Variants in MCTP2 observed in about 807,000 individuals in gnomAD.
The protein encoded by MCTP2 is multiple C2 and transmembrane domain-containing protein 2.
MCTP2 carries 132 observed loss-of-function variants against 111.6 expected under a neutral mutation model. The ratio of observed to expected loss-of-function variants is 1.18; its 90% CI spans 1.03 to 1.37. The LOEUF is 1.37. MCTP2 is among the 40% of genes most tolerant of loss of function. The pLI is 0.00. For missense variants in MCTP2, 1,183 were observed against 1,067.9 expected (o/e 1.11, Z -1.50); for synonymous variants, 395 against 387.7 (o/e 1.02, Z -0.22).
chr15:94,238,023 G>C (rs965434331), intron 1 of MCTP2, among the ~76,000 whole-genome samples: 9 of 151,528 alleles, frequency 5.9e-5, no homozygotes, highest in African/African-American at 2.2e-4. Context: ...TGTATTTCTT[G>C]AACGTATTTC....
At chr15:94,249,488 CTTTT>C (rs58538119) in intron 1 of MCTP2, among the ~76,000 whole-genome samples, 1 of 142,780 alleles carries the variant, frequency 7.0e-6, no homozygotes, top group Admixed American at 7.1e-5. Context: ...GTCTCAGAAT[CTTTT>C]TTTTTTTTTT....
intron 14 of MCTP2, among the ~76,000 whole-genome samples, chr15:94,389,572 T>G (rs1452488082): frequency 6.6e-6 from 1 of 152,192 alleles, no homozygotes; most frequent in Non-Finnish European, 1.5e-5. Flanking sequence ...ATTGTGTGCT[T>G]CTTTAGGAGA....
At position 94,231,562 on chromosome 15, in the gene MCTP2, G is replaced by C. The variant is rs2070172965; in HGVS notation, c.-168G>C. ...TGATGCCCCCGCCCCCGCCGCGTCA[G>C]GGTTGCTCCCTGCGCTTCCGAGTGG... is the stretch of plus-strand genomic sequence containing the variant. On this transcript the variant is annotated 5_prime_UTR_variant, in exon 1 of 23. Transcript: ENST00000357742. 6.6e-6 allele frequency: 1 copy of C among 152,370 alleles called. No homozygotes were observed. The highest frequency in any genetic ancestry group is 1.5e-5 in the Non-Finnish European group (1 of 68,164). 9.4% of individuals were successfully genotyped at this position (152,370 alleles called of 1,614,324 possible).
At chr15:94,235,970 A>G (rs370122379) in intron 1 of MCTP2, among the ~76,000 whole-genome samples, 4 of 152,376 alleles carry the variant, frequency 2.6e-5, no homozygotes, top group African/African-American at 9.6e-5. Context: ...AAATTTCCAA[A>G]CTAGGAAGGA....
Position 94,482,603 on chromosome 15 carries a change from G to A in MCTP2, c.*3569G>A, listed in dbSNP as rs556033119. The A allele has an allele frequency of 1.3e-5, 2 of 152,292 alleles. No homozygotes were observed. Among genetic ancestry groups the A allele is most frequent in the South Asian group, 2.1e-4 (1 of 4,824 alleles). 9.4% of individuals were successfully genotyped at this position (152,292 alleles called of 1,614,324 possible). A position where few individuals can be genotyped will look rare whatever the true frequency, so the allele number is the denominator to read the frequency against. On this transcript the variant is annotated 3_prime_UTR_variant, in exon 23 of 23. Coordinates refer to ENST00000357742, the MANE Select transcript of MCTP2 (RefSeq NM_001385001.1). Reference sequence around the variant, plus strand: ...GCATCCAAATAGGAATGTCAGCAAGGTAATGGAATATATAGTTCTCAGAGA... The same window carrying A: ...GCATCCAAATAGGAATGTCAGCAAGATAATGGAATATATAGTTCTCAGAGA...
At chr15:94,467,857 T>C (rs2073527568) in intron 20 of MCTP2, among the ~76,000 whole-genome samples, 1 of 152,106 alleles carries the variant, frequency 6.6e-6, no homozygotes, top group Admixed American at 6.5e-5. Context: ...ATAGAGAAGT[T>C]GGGAATGGAC....
Position 94,458,196 on chromosome 15 carries a change from T to A in MCTP2, c.2310T>A (p.Thr770=). 6.2e-7 allele frequency: 1 copy of A among 1,612,740 alleles called. No homozygotes were observed. The highest frequency in any genetic ancestry group is 8.5e-7 in the Non-Finnish European group (1 of 1,178,706). ...RIYMVQDIVS[T]VQNVLEEIAS... is the part of the protein sequence containing the mutation. The stretch of plus-strand genomic sequence containing the variant: ...ATATGGTACAGGATATTGTTTCAAC[T>A]GTTCAAAACGTCTTGGAGGAAATAG... Residue 770 remains threonine (T), a synonymous_variant, in exon 20 of 23, where the codon ACT becomes ACA. Transcript: ENST00000357742.
At chr15:94,422,927 C>T (rs1269497932) in intron 17 of MCTP2, among the ~76,000 whole-genome samples, 6 of 152,148 alleles carry the variant, frequency 3.9e-5, no homozygotes, top group Non-Finnish European at 8.8e-5. Flanking sequence ...AACTCCAGGG[C>T]TCAAGGGATC....
In MCTP2 at chr15:94,479,726, G is replaced by C. The variant is rs578107796; in HGVS notation, c.*692G>C. 1 of 152,066 alleles carries C rather than the reference G, an allele frequency of 6.6e-6. No individual in the cohort carries two copies. The highest frequency in any genetic ancestry group is 2.4e-5 in the African/African-American group (1 of 41,402). The allele number at this position is 152,066 out of a possible 1,614,324, so 9.4% of individuals were successfully genotyped here. A position where few individuals can be genotyped will look rare whatever the true frequency, so the allele number is the denominator to read the frequency against. On this transcript the variant is annotated 3_prime_UTR_variant, in exon 23 of 23. Transcript: ENST00000357742. ...CCTAGAGATCACTCACTTGAAAAAT[G>C]AGGGTCCCATGAAAGTATTTGGTTG...
At chr15:94,442,774 AAG>A (rs368225065) in intron 18 of MCTP2, 143 bp from the exon 19 acceptor site, 30 of 659,462 alleles carry the variant, frequency 4.5e-5, no homozygotes, top group African/African-American at 3.8e-4. Flanking sequence ...TGAACTTTAA[AAG>A]AGTTATTGTT....
rs1485340862 is a variant in MCTP2, at chr15:94,240,903, G to A, written c.-66+9239G>A. On this transcript the variant is annotated intron_variant, in intron 1 of 22. Transcript: ENST00000357742. ...ACCTTTTAAATATATACAGATGTTG[G>A]CATTTCAAAACCCAGGAAAATTCTT... Among the ~76,000 whole-genome samples the A allele has an allele frequency of 2.6e-5, 4 of 152,104 alleles. No homozygotes were observed. In the South Asian group the frequency reaches 8.3e-4, roughly 32 times the overall value.
At chr15:94,266,330 T>C (rs2073528589) in intron 1 of MCTP2, among the ~76,000 whole-genome samples, 2 of 152,190 alleles carry the variant, frequency 1.3e-5, no homozygotes, top group Non-Finnish European at 2.9e-5. Flanking sequence ...TTTGACTCGT[T>C]TGTATTTTTA....
At chr15:94,267,653 T>G (rs1263967378) in intron 1 of MCTP2, among the ~76,000 whole-genome samples, 3 of 152,094 alleles carry the variant, frequency 2.0e-5, no homozygotes, top group African/African-American at 7.2e-5. Context: ...TAAGAAACTT[T>G]CAAGCTGTTT....
At chr15:94,401,489 A>G (rs1315901362) in intron 16 of MCTP2, among the ~76,000 whole-genome samples, 2 of 152,154 alleles carry the variant, frequency 1.3e-5, no homozygotes, top group African/African-American at 4.8e-5. Flanking sequence ...AAACTAAACA[A>G]CATAGACACT....
At chr15:94,354,836 A>G (rs965439666) in intron 8 of MCTP2, among the ~76,000 whole-genome samples, 5 of 152,160 alleles carry the variant, frequency 3.3e-5, no homozygotes, top group Non-Finnish European at 5.9e-5. Flanking sequence ...ATTTGTTGTG[A>G]TAAATTGTGA....
Position 94,367,771 on chromosome 15 carries a change from A to C in MCTP2, c.1468A>C (p.Lys490Gln). The C allele has an allele frequency of 6.2e-7, 1 of 1,603,128 alleles. No homozygotes were observed. The highest frequency in any genetic ancestry group is 2.3e-5 in the East Asian group (1 of 43,618). Residue 490 changes from lysine (K) to glutamine (Q), a missense_variant, in exon 11 of 23, where the codon AAG (lysine) becomes CAG (glutamine). Transcript: ENST00000357742. The stretch of plus-strand genomic sequence containing the variant: ...CCCCTTAGCAGACCTCAGCGAAAGA[A>C]AGCAGATTACCCAGCGATATGTGAG... ...VCPLADLSERKQITQRYCLQN... is the reference protein window; with the variant it reads ...VCPLADLSERQQITQRYCLQN...
chr15:94,394,049 C>CAAAAAAAAAAA (rs767685107), intron 14 of MCTP2, among the ~76,000 whole-genome samples: 2 of 61,772 alleles, frequency 3.2e-5, no homozygotes, highest in Non-Finnish European at 6.4e-5. Flanking sequence ...AACTCCATCT[C>CAAAAAAAAAAA]AAAAAAAAAA....
At chr15:94,463,849 T>A (rs2085360536) in intron 20 of MCTP2, among the ~76,000 whole-genome samples, 1 of 152,172 alleles carries the variant, frequency 6.6e-6, no homozygotes, top group South Asian at 2.1e-4. Flanking sequence ...ATTTTTATGC[T>A]TTATTTTGGT....
chr15:94,357,571 T>G (rs34245909), intron 9 of MCTP2, among the ~76,000 whole-genome samples: 28,865 of 151,858 alleles, frequency 0.19, 2,990 homozygotes, highest in East Asian at 0.31. Flanking sequence ...TTTTGTTTTT[T>G]TCCCAACCTG....
Sources: allele counts gnomAD v4.1 joint callset (sites outside exome capture counted in the v4.1 genomes callset), GRCh38; gene constraint gnomAD v4.1.1; transcripts MANE v1.5; gene names NCBI Gene and HGNC (gene_info 2026-07-23, HGNC 2026-07-21).